Variants in TMTC3 observed in about 807,000 individuals in gnomAD.
TMTC3 encodes protein O-mannosyl-transferase TMTC3.
TMTC3 carries 52 observed loss-of-function variants against 92.2 expected under a neutral mutation model. The observed-to-expected ratio is 0.56, with a 90% CI of 0.45 to 0.71. TMTC3 has a LOEUF of 0.71. Ranked by LOEUF, TMTC3 falls within the 30% of genes least tolerant of loss-of-function variation. The pLI is 0.00. For synonymous variants in TMTC3, 339 were observed against 363.3 expected, an observed-to-expected ratio of 0.93 and a Z score of 0.76; for missense variants, 896 against 1,057.1, an observed-to-expected ratio of 0.85 and a Z score of 2.11.
chr12:88,190,327 ATC>A, intron 11 of TMTC3, 124 bp from the exon 12 acceptor site: 1 of 758,524 alleles, frequency 1.3e-6, no homozygotes, highest in Non-Finnish European at 2.0e-6. Context: ...TAGAACCCTG[ATC>A]TCTCAGTCCA....
At chr12:88,152,844 A>C (rs2040959174) in intron 2 of TMTC3, among the ~76,000 whole-genome samples, 1 of 152,180 alleles carries the variant, frequency 6.6e-6, no homozygotes, top group Non-Finnish European at 1.5e-5. Flanking sequence ...AGTCATCACT[A>C]TTTTAATTGA....
intron 4 of TMTC3, among the ~76,000 whole-genome samples, chr12:88,158,501 TA>T (rs2041036408): frequency 2.0e-5 from 3 of 152,064 alleles, no homozygotes; most frequent in Admixed American, 2.0e-4. Context: ...TTTTTTTTTT[TA>T]AGGAAAGAGT....
At chr12:88,181,819 T>C (rs1259327103) in intron 10 of TMTC3, among the ~76,000 whole-genome samples, 1 of 152,176 alleles carries the variant, frequency 6.6e-6, no homozygotes. Context: ...AGTGAGGGAA[T>C]TATGCAGTTT....
intron 1 of TMTC3, among the ~76,000 whole-genome samples, chr12:88,143,554 A>G (rs2040818838): frequency 6.6e-6 from 1 of 152,192 alleles, no homozygotes; most frequent in African/African-American, 2.4e-5. Flanking sequence ...CTTAACTTCT[A>G]TACACCTCCT....
intron 10 of TMTC3, among the ~76,000 whole-genome samples, chr12:88,177,388 A>G (rs2041271628): frequency 6.6e-6 from 1 of 152,144 alleles, no homozygotes; most frequent in South Asian, 2.1e-4. Context: ...TAGTGATGGC[A>G]TAGACATGGA....
At chr12:88,151,921 G>T (rs983393220) in intron 2 of TMTC3, among the ~76,000 whole-genome samples, 1 of 152,150 alleles carries the variant, frequency 6.6e-6, no homozygotes. Flanking sequence ...ACATTATGGA[G>T]TATATAGTCA....
intron 2 of TMTC3, among the ~76,000 whole-genome samples, chr12:88,149,839 T>TAGTA (rs1042156095): frequency 2.0e-5 from 3 of 152,140 alleles, no homozygotes; most frequent in Non-Finnish European, 4.4e-5. Context: ...AATCTTTTGA[T>TAGTA]AGTAAGGGGG....
At chr12:88,155,353 T>A (rs933651386) in intron 4 of TMTC3, among the ~76,000 whole-genome samples, 12 of 152,138 alleles carry the variant, frequency 7.9e-5, no homozygotes, top group African/African-American at 2.2e-4. Context: ...TAGTAGGAGG[T>A]ACTTTTGTAA....
chr12:88,168,925 A>G (rs1474422467), intron 7 of TMTC3, among the ~76,000 whole-genome samples: 2 of 152,238 alleles, frequency 1.3e-5, no homozygotes. Context: ...AGCAGGAGAT[A>G]GGGAGCACAG....
At position 88,175,987 on chromosome 12, in the gene TMTC3, A is replaced by G. The variant is rs376911903; in HGVS notation, c.1321-221A>G. On this transcript the variant is annotated intron_variant, in intron 9 of 13. Transcript: ENST00000266712. The stretch of plus-strand genomic sequence containing the variant: ...AACATTTTCAGTAAAATGTTAATAT[A>G]TAACGTGAATGAAATAAGACACTGC... Among the ~76,000 whole-genome samples, 21 of 152,318 alleles carry G rather than the reference A, an allele frequency of 1.4e-4. No individual in the cohort carries two copies. The South Asian group carries it at 4.1e-3, about 30-fold the overall frequency.
At chr12:88,176,114 A>T (rs1407888398) in intron 9 of TMTC3, 94 bp from the exon 10 acceptor site, 1 of 824,052 alleles carries the variant, frequency 1.2e-6, no homozygotes, top group African/African-American at 1.7e-5. Flanking sequence ...TCCATAGAAC[A>T]TTATTTTCTT....
At chr12:88,171,437 C>T (rs2041203576) in intron 7 of TMTC3, among the ~76,000 whole-genome samples, 1 of 152,058 alleles carries the variant, frequency 6.6e-6, no homozygotes, top group South Asian at 2.1e-4. Context: ...ATTCTACATA[C>T]AAGTGAGATC....
At chr12:88,148,701 G>T (rs2040905299) in intron 2 of TMTC3, among the ~76,000 whole-genome samples, 197 bp downstream of exon 2, 1 of 151,310 alleles carries the variant, frequency 6.6e-6, no homozygotes, top group African/African-American at 2.4e-5. Flanking sequence ...AGCAGTACTT[G>T]GTTATTTCTT....
At chr12:88,168,175 C>G (rs149790132) in intron 7 of TMTC3, among the ~76,000 whole-genome samples, 121 of 152,298 alleles carry the variant, frequency 7.9e-4, no homozygotes, top group African/African-American at 2.8e-3. Flanking sequence ...AAGTGTATTA[C>G]AGACCAAATG....
chr12:88,144,701 T>C (rs1279127428), intron 1 of TMTC3, among the ~76,000 whole-genome samples: 1 of 152,236 alleles, frequency 6.6e-6, no homozygotes, highest in African/African-American at 2.4e-5. Flanking sequence ...AACAGTATTT[T>C]TTATCCTGTT....
intron 10 of TMTC3, among the ~76,000 whole-genome samples, chr12:88,186,488 A>G (rs993039501): frequency 6.6e-6 from 1 of 152,118 alleles, no homozygotes; most frequent in Admixed American, 6.5e-5. Context: ...GTATTGACAA[A>G]CTGAGACTAC....
chr12:88,186,141 A>G (rs2041375827), intron 10 of TMTC3, among the ~76,000 whole-genome samples: 1 of 152,150 alleles, frequency 6.6e-6, no homozygotes, highest in African/African-American at 2.4e-5. Context: ...GCTGTGTATT[A>G]GTCATACACA....
rs1394789064 is a variant in TMTC3, at chr12:88,174,656, C to G, written c.1249C>G (p.His417Asp). The G allele has an allele frequency of 2.5e-6, 4 of 1,612,272 alleles. No homozygotes were observed. In the African/African-American group the frequency reaches 5.3e-5, roughly 22 times the overall value. The change falls in exon 9 of 14, where the codon CAT becomes GAT. Residue 417 changes from histidine to aspartate, a missense_variant. Transcript: ENST00000266712. ...WICLSMVILT[H>D]SLKTFHRNWD... Reference sequence around the variant, plus strand: ...TTGTCTGTCTATGGTGATACTCACTCATTCCTTAAAAACATTCCACAGAAA... The same window carrying G: ...TTGTCTGTCTATGGTGATACTCACTGATTCCTTAAAAACATTCCACAGAAA...
At chr12:88,192,014 C>CTTTTTT (rs375857927) in intron 12 of TMTC3, among the ~76,000 whole-genome samples, 16 of 112,236 alleles carry the variant, frequency 1.4e-4, no homozygotes, top group African/African-American at 5.8e-4. Context: ...CAGCATTTTT[C>CTTTTTT]TTTTTTTTTT....
Sources: allele counts gnomAD v4.1 joint callset (sites outside exome capture counted in the v4.1 genomes callset), GRCh38; gene constraint gnomAD v4.1.1; transcripts MANE v1.5; gene names NCBI Gene and HGNC (gene_info 2026-07-23, HGNC 2026-07-21).